Variants in ARID4A observed in about 807,000 individuals in gnomAD.
ARID4A encodes AT-rich interactive domain-containing protein 4A.
ARID4A carries 39 observed loss-of-function variants against 148.6 expected under a neutral mutation model. The ratio of observed to expected loss-of-function variants is 0.26; its 90% confidence interval spans 0.20 to 0.34. ARID4A has a LOEUF of 0.34. Ranked by LOEUF, ARID4A falls within the 10% of genes least tolerant of loss-of-function variation. The pLI, the probability that ARID4A is intolerant of heterozygous loss-of-function variation, is 1.00. For synonymous variants in ARID4A, 475 were observed against 481.2 expected (o/e 0.99, Z 0.17); for missense variants, 1,265 against 1,449.1 (o/e 0.87, Z 2.06).
chr14:58,344,770 A>G lies in ARID4A; in HGVS notation c.979+3A>G. The G allele has an allele frequency of 6.2e-7, 1 of 1,603,948 alleles. No individual in the cohort carries two copies. Among genetic ancestry groups the G allele is most frequent in the Non-Finnish European group, 8.5e-7 (1 of 1,172,304 alleles). ...TTATAAGTTTATGGAAGACAGAGGT[A>G]TTTTCATGCTCATTATTTTAAAGTA... On this transcript the variant is annotated splice_donor_region_variant and intron_variant, in intron 12 of 23. Transcript: ENST00000355431.
At chr14:58,364,091 AT>A (rs2035247576) in intron 19 of ARID4A, 78 bp from the exon 20 acceptor site, 2 of 769,552 alleles carry the variant, frequency 2.6e-6, no homozygotes, top group South Asian at 5.6e-5. Flanking sequence ...TTTTATTGTT[AT>A]TTTTGGTAAG....
At chr14:58,368,932 T>C (rs2035480221) in intron 23 of ARID4A, among the ~76,000 whole-genome samples, 2 of 152,200 alleles carry the variant, frequency 1.3e-5, no homozygotes, top group South Asian at 2.1e-4. Context: ...GATGTTCAAT[T>C]TGTATCCAGA....
chr14:58,366,778 A>G (rs1346442782), intron 22 of ARID4A, 105 bp from the exon 23 acceptor site: 2 of 895,800 alleles, frequency 2.2e-6, no homozygotes, highest in Non-Finnish European at 3.3e-6. Flanking sequence ...ATTTTAATAA[A>G]CTAAAGCTTT....
intron 15 of ARID4A, among the ~76,000 whole-genome samples, chr14:58,350,741 GAAAT>G (rs1159205009): frequency 6.6e-6 from 1 of 152,082 alleles, no homozygotes; most frequent in Non-Finnish European, 1.5e-5. Context: ...TTATAGTCGA[GAAAT>G]AATAAAAGTG....
At chr14:58,331,350 T>G (rs952017206) in intron 11 of ARID4A, 4 of 152,196 alleles carry the variant, frequency 2.6e-5, no homozygotes, top group Non-Finnish European at 5.9e-5. Flanking sequence ...TAATGTCTGA[T>G]TTTTATGTGG....
intron 20 of ARID4A, 29 bp from the exon 21 acceptor site, chr14:58,365,489 T>TAAAAAAA: frequency 1.0e-6 from 1 of 985,682 alleles, no homozygotes; most frequent in Non-Finnish European, 1.4e-6. Context: ...TTTTTTTTTT[T>TAAAAAAA]CAACATTCTC....
In ARID4A at chr14:58,345,527, A is replaced by G. The variant is rs1455331758; in HGVS notation, c.979+760A>G. ...ATATAGGTAGAATAATAGAACAATT[A>G]TAAACCATCATACTCCTTGCCATTT... On this transcript the variant is annotated intron_variant, in intron 12 of 23. Coordinates refer to ENST00000355431, the MANE Select transcript of ARID4A (RefSeq NM_002892.4). Among the ~76,000 whole-genome samples the G allele has an allele frequency of 3.9e-5, 6 of 152,144 alleles. No individual in the cohort carries two copies. The East Asian group carries it at 5.8e-4, about 15-fold the overall frequency.
Position 58,360,702 on chromosome 14 carries a change from C to T in ARID4A, c.1939-199C>T, listed in dbSNP as rs540994999. Among the ~76,000 whole-genome samples the T allele has an allele frequency of 6.6e-5, 10 of 152,238 alleles. No homozygotes were observed. In the East Asian group the frequency reaches 1.7e-3, roughly 26 times the overall value. On this transcript the variant is annotated intron_variant, in intron 18 of 23. Coordinates refer to ENST00000355431, the MANE Select transcript of ARID4A (RefSeq NM_002892.4). Reference sequence around the variant, plus strand: ...CAGTGGAGGATTATATACCAATTTCCGTGACACTAATGTTAATAAGTTCTG... The same window carrying T: ...CAGTGGAGGATTATATACCAATTTCTGTGACACTAATGTTAATAAGTTCTG...
intron 1 of ARID4A, 53 bp from the exon 2 acceptor site, chr14:58,299,745 G>A (rs529686087): frequency 2.0e-6 from 3 of 1,486,604 alleles, no homozygotes; most frequent in African/African-American, 1.4e-5. Flanking sequence ...TCCCTTGGTC[G>A]CTCCCCGCAG....
At chr14:58,317,192 C>CA (rs575688131) in intron 5 of ARID4A, among the ~76,000 whole-genome samples, 2,262 of 59,586 alleles carry the variant, frequency 0.038, 29 homozygotes, top group African/African-American at 0.085. Flanking sequence ...GACTCAGTCT[C>CA]AAAAAAAAAA....
chr14:58,324,557 A>AGGTATGAGCT (rs2033112285), intron 8 of ARID4A, among the ~76,000 whole-genome samples: 1 of 152,192 alleles, frequency 6.6e-6, no homozygotes, highest in African/African-American at 2.4e-5. Flanking sequence ...CCGGGATTAC[A>AGGTATGAGCT]GGTATGAGCT....
intron 9 of ARID4A, among the ~76,000 whole-genome samples, chr14:58,329,258 C>A (rs1306660599): frequency 6.6e-6 from 1 of 152,002 alleles, no homozygotes; most frequent in Non-Finnish European, 1.5e-5. Flanking sequence ...ATATGAATTA[C>A]CCCGTACTAT....
At chr14:58,304,742 C>T (rs962935420) in intron 3 of ARID4A, among the ~76,000 whole-genome samples, 1 of 151,964 alleles carries the variant, frequency 6.6e-6, no homozygotes, top group African/African-American at 2.4e-5. Context: ...CACTTGCTAA[C>T]TGTTGGGGAT....
chr14:58,299,835 C>T lies in ARID4A; in HGVS notation c.-20C>T. 2.5e-6 allele frequency: 4 copies of T among 1,614,236 alleles called. No homozygotes were observed. The highest frequency in any genetic ancestry group is 2.5e-6 in the Non-Finnish European group (3 of 1,180,040). On this transcript the variant is annotated 5_prime_UTR_variant, in exon 2 of 24. Coordinates refer to ENST00000355431, the MANE Select transcript of ARID4A (RefSeq NM_002892.4). ...CGAAGATAGCTCGCTGAGCTGGAACCCCACAGATCACCAACAAAAATGAAG... is the reference window on the plus strand; with the variant it reads ...CGAAGATAGCTCGCTGAGCTGGAACTCCACAGATCACCAACAAAAATGAAG...
Position 58,366,189 on chromosome 14 carries a change from C to G in ARID4A, c.3482C>G (p.Pro1161Arg), listed in dbSNP as rs779006151. 5 of 1,613,674 alleles carry G rather than the reference C, an allele frequency of 3.1e-6. No homozygotes were observed. Among genetic ancestry groups the G allele is most frequent in the Non-Finnish European group, 4.2e-6 (5 of 1,179,814 alleles). Reference protein sequence around the residue: ...GEKDKHREKHPNSSPRTYKWS... With the variant: ...GEKDKHREKHRNSSPRTYKWS... ...AAAGATAAACACAGAGAAAAACATC[C>G]GAATTCATCCCCTAGGACATATAAA... The change falls in exon 22 of 24, where the codon CCG becomes CGG. Residue 1161 changes from proline to arginine, a missense_variant. Physicochemically the swap from Pro to Arg is moderately radical, Grantham distance 103. Coordinates refer to ENST00000355431, the MANE Select transcript of ARID4A (RefSeq NM_002892.4).
Position 58,364,650 on chromosome 14 carries a change from A to G in ARID4A, c.2561A>G (p.Lys854Arg). 6.2e-7 allele frequency: 1 copy of G among 1,613,960 alleles called. No homozygotes were observed. ...ATTGACCAATGTGTGAAAGAAAAGA[A>G]GTTGAAACGGAAAATACTAGGACAA... ...DEIDQCVKEKKLKRKILGQSS... is the reference protein window; with the variant it reads ...DEIDQCVKEKRLKRKILGQSS... Residue 854 changes from lysine to arginine, a missense_variant, in exon 20 of 24, where the codon AAG becomes AGG. By Grantham distance (26) the Lys-to-Arg change is conservative. Coordinates refer to ENST00000355431, the MANE Select transcript of ARID4A (RefSeq NM_002892.4).
chr14:58,301,605 C>T lies in ARID4A; in HGVS notation c.32C>T (p.Thr11Ile). 6.2e-7 allele frequency: 1 copy of T among 1,614,010 alleles called. No individual in the cohort carries two copies. Among genetic ancestry groups the T allele is most frequent in the Non-Finnish European group, 8.5e-7 (1 of 1,179,934 alleles). The change falls in exon 3 of 24, where the codon ACA (threonine) becomes ATA (isoleucine). Residue 11 changes from threonine (T) to isoleucine (I), a missense_variant. Physicochemically the swap from Thr to Ile is moderately conservative, Grantham distance 89. Around this residue, in one of 9 missense-constraint regions of ARID4A, gnomAD observed 22 missense variants for 43.8 expected, o/e 0.50. Coordinates refer to ENST00000355431, the MANE Select transcript of ARID4A (RefSeq NM_002892.4). MKAADEPAYL[T>I]VGTDVSAKYR... ...GCGGCAGATGAGCCTGCCTACCTGACAGTGGGAACCGATGTCAGTGCCAAG... is the reference window on the plus strand; with the variant it reads ...GCGGCAGATGAGCCTGCCTACCTGATAGTGGGAACCGATGTCAGTGCCAAG...
At chr14:58,365,911 A>C in intron 21 of ARID4A, 113 bp from the exon 22 acceptor site, 1 of 961,462 alleles carries the variant, frequency 1.0e-6, no homozygotes, top group Non-Finnish European at 1.5e-6. Context: ...AACTTTGTGC[A>C]TTTGTGCACT....
In ARID4A at chr14:58,324,147, G is replaced by A. The variant is rs957636469; in HGVS notation, c.582+530G>A. On this transcript the variant is annotated intron_variant, in intron 8 of 23. Coordinates refer to ENST00000355431, the MANE Select transcript of ARID4A (RefSeq NM_002892.4). Reference sequence around the variant, plus strand: ...TCTCGATCTCCTGACCTCATGGTCCGCCCACCTCGGCCTCCAAAGTTCTGA... The same window carrying A: ...TCTCGATCTCCTGACCTCATGGTCCACCCACCTCGGCCTCCAAAGTTCTGA... Among the ~76,000 whole-genome samples, 9 of 151,996 alleles carry A rather than the reference G, an allele frequency of 5.9e-5. No homozygotes were observed. In the South Asian group the frequency reaches 1.0e-3, roughly 18 times the overall value.
Sources: allele counts gnomAD v4.1 joint callset (sites outside exome capture counted in the v4.1 genomes callset), GRCh38; gene constraint gnomAD v4.1.1; regional missense constraint gnomAD v4.1.1; transcripts MANE v1.5; gene names NCBI Gene and HGNC (gene_info 2026-07-23, HGNC 2026-07-21).